Variants in CYTH3 observed in about 807,000 individuals in gnomAD.
The protein encoded by CYTH3 is cytohesin-3.
CYTH3 carries 23 observed loss-of-function variants against 55.1 expected under a neutral mutation model. The observed-to-expected ratio is 0.42, with a 90% CI of 0.30 to 0.59. The LOEUF (loss-of-function observed/expected upper bound fraction) is 0.59, where lower values mean the gene tolerates loss of function less well. Among genes scored for constraint, CYTH3 ranks in the 20% least tolerant of loss-of-function variants. The pLI, the probability that CYTH3 is intolerant of heterozygous loss-of-function variation, is 0.20. For synonymous variants in CYTH3, 249 were observed against 194.9 expected (o/e 1.28, Z -2.31); for missense variants, 413 against 524.8 (o/e 0.79, Z 2.08).
At chr7:6,232,728 C>T (rs569334909) in intron 1 of CYTH3, among the ~76,000 whole-genome samples, 1 of 152,316 alleles carries the variant, frequency 6.6e-6, no homozygotes, top group African/African-American at 2.4e-5. Context: ...TCTGACTGTC[C>T]CGCTTCCCTC....
intron 1 of CYTH3, among the ~76,000 whole-genome samples, chr7:6,224,029 C>G (rs1779168508): frequency 6.6e-6 from 1 of 151,954 alleles, no homozygotes; most frequent in South Asian, 2.1e-4. Context: ...TTATCCTATT[C>G]ACATATTTTT....
chr7:6,270,817 T>G (rs1440002578), intron 1 of CYTH3, among the ~76,000 whole-genome samples: 1 of 152,194 alleles, frequency 6.6e-6, no homozygotes, highest in African/African-American at 2.4e-5. Context: ...TATCATCCTT[T>G]GTTATAGTAC....
chr7:6,253,504 C>T (rs544273104), intron 1 of CYTH3, among the ~76,000 whole-genome samples: 2 of 152,186 alleles, frequency 1.3e-5, no homozygotes, highest in African/African-American at 4.8e-5. Context: ...CCATCGCACC[C>T]AGCCACCAAA....
At chr7:6,260,903 C>T (rs909818154) in intron 1 of CYTH3, among the ~76,000 whole-genome samples, 3 of 152,142 alleles carry the variant, frequency 2.0e-5, no homozygotes, top group Admixed American at 6.6e-5. Flanking sequence ...CAACTGCCTA[C>T]CTACCATCTC....
At chr7:6,219,741 T>C (rs1161419037) in intron 1 of CYTH3, among the ~76,000 whole-genome samples, 1 of 152,102 alleles carries the variant, frequency 6.6e-6, no homozygotes, top group Non-Finnish European at 1.5e-5. Context: ...GAAACTCCAC[T>C]AGCTTGGAAT....
intron 1 of CYTH3, among the ~76,000 whole-genome samples, chr7:6,254,678 G>A (rs1459239924): frequency 6.6e-6 from 1 of 152,190 alleles, no homozygotes; most frequent in African/African-American, 2.4e-5. Flanking sequence ...TCGAACTCCT[G>A]ACCTCAAACA....
chr7:6,230,663 G>A (rs1328965893), intron 1 of CYTH3, among the ~76,000 whole-genome samples: 3 of 152,106 alleles, frequency 2.0e-5, no homozygotes, highest in Non-Finnish European at 4.4e-5. Context: ...TAATGACAAT[G>A]TAAACCTTTA....
At chr7:6,179,714 CCA>C (rs1783437144) in intron 4 of CYTH3, among the ~76,000 whole-genome samples, 3 of 103,446 alleles carry the variant, frequency 2.9e-5, no homozygotes, top group African/African-American at 4.2e-5. Context: ...CACACACACC[CCA>C]CACACCACAC....
At chr7:6,230,500 C>A (rs937264669) in intron 1 of CYTH3, among the ~76,000 whole-genome samples, 1 of 152,160 alleles carries the variant, frequency 6.6e-6, no homozygotes, top group Non-Finnish European at 1.5e-5. Context: ...TATTAGCCAC[C>A]AGACTTAAAA....
intron 1 of CYTH3, among the ~76,000 whole-genome samples, chr7:6,217,320 A>G (rs1474483645): frequency 6.6e-6 from 1 of 152,238 alleles, no homozygotes; most frequent in African/African-American, 2.4e-5. Context: ...GCTGTCTACA[A>G]AAAACTCACT....
Position 6,253,234 on chromosome 7 carries a change from T to TG in CYTH3, c.34+19239dup. ...GAAAACAATTTTTTTTTTTTTTTTTTGAGACAGAGTCATACTGTGTTCACC... is the reference window on the plus strand; with the variant it reads ...GAAAACAATTTTTTTTTTTTTTTTTTGGAGACAGAGTCATACTGTGTTCACC... On this transcript the variant is annotated intron_variant, in intron 1 of 12. Coordinates refer to ENST00000350796, the MANE Select transcript of CYTH3 (RefSeq NM_004227.4). Among the ~76,000 whole-genome samples, 2 of 146,436 alleles carry TG rather than the reference T, an allele frequency of 1.4e-5. 1 individual carries two copies. The highest frequency in any genetic ancestry group is 3.9e-4 in the East Asian group (2 of 5,120).
chr7:6,259,824 AT>A (rs1229716967), intron 1 of CYTH3, among the ~76,000 whole-genome samples: 592 of 24,112 alleles, frequency 0.025, 18 homozygotes, highest in Middle Eastern at 0.029. Flanking sequence ...ATATATATAT[AT>A]ATATATATTT....
rs528490209 is a variant in CYTH3 at position 6,221,231 on chromosome 7, G to C, written c.35-30700C>G. 3.9e-5 allele frequency among the ~76,000 whole-genome samples: 6 copies of C among 152,256 alleles called. No homozygotes were observed. In the South Asian group the frequency reaches 6.2e-4, roughly 16 times the overall value. On this transcript the variant is annotated intron_variant, in intron 1 of 12. Coordinates refer to ENST00000350796, the MANE Select transcript of CYTH3 (RefSeq NM_004227.4). ...TGGAATATTATCTAGCAATAAAAGT[G>C]AATGAACTATTGATACACACAACAG...
intron 1 of CYTH3, among the ~76,000 whole-genome samples, chr7:6,202,314 G>A (rs900048287): frequency 1.2e-4 from 18 of 152,320 alleles, no homozygotes; most frequent in Non-Finnish European, 5.9e-5. Context: ...AGACGAACGC[G>A]TAAGTGAAGT....
chr7:6,215,161 A>G (rs60103240), intron 1 of CYTH3, among the ~76,000 whole-genome samples: 2,644 of 152,264 alleles, frequency 0.017, 88 homozygotes, highest in African/African-American at 0.061. Context: ...AGAGTTGACA[A>G]GGAAAATCGC....
At chr7:6,194,392 G>A (rs1312444015) in intron 1 of CYTH3, among the ~76,000 whole-genome samples, 1 of 152,150 alleles carries the variant, frequency 6.6e-6, no homozygotes, top group Non-Finnish European at 1.5e-5. Context: ...GTTCCAGGTT[G>A]CAGTGACCAG....
At chr7:6,230,307 A>T (rs568311656) in intron 1 of CYTH3, among the ~76,000 whole-genome samples, 1 of 152,300 alleles carries the variant, frequency 6.6e-6, no homozygotes, top group Non-Finnish European at 1.5e-5. Context: ...CCTCAGCTGG[A>T]AACTTACAAG....
At chr7:6,184,736 G>A (rs1443169098) in intron 4 of CYTH3, among the ~76,000 whole-genome samples, 5 of 151,970 alleles carry the variant, frequency 3.3e-5, no homozygotes, top group Admixed American at 2.0e-4. Context: ...CCACCACCAC[G>A]CCCAGCTAAT....
At chr7:6,259,758 T>TATATATATATAATATATATATATA (rs1780244303) in intron 1 of CYTH3, among the ~76,000 whole-genome samples, 1 of 27,322 alleles carries the variant, frequency 3.7e-5, no homozygotes, top group African/African-American at 3.2e-4. Context: ...ATATATATAT[T>TATATATATATAATATATATATATA]ATATATATAT....
Sources: allele counts gnomAD v4.1 joint callset (sites outside exome capture counted in the v4.1 genomes callset), GRCh38; gene constraint gnomAD v4.1.1; transcripts MANE v1.5; gene names NCBI Gene and HGNC (gene_info 2026-07-23, HGNC 2026-07-21).